Variants in FAM221A observed in about 807,000 individuals in gnomAD.
The protein encoded by FAM221A is family with sequence similarity 221 member A, also known as protein FAM221A.
FAM221A carries 43 observed loss-of-function variants against 37.6 expected under a neutral mutation model. The observed-to-expected ratio is 1.15, with a 90% CI of 0.90 to 1.48. FAM221A has a LOEUF of 1.48. Ranked by LOEUF, FAM221A falls within the 40% of genes most tolerant of loss-of-function variation. The probability of loss-of-function intolerance (pLI) is 0.00; values close to 1 mark genes in which losing one functional copy is unlikely to be tolerated. For missense variants in FAM221A, 361 were observed against 361.5 expected (o/e 1.00, Z 0.01); for synonymous variants, 135 against 132.9 (o/e 1.02, Z -0.11).
chr7:23,683,777 G>A (rs558150214), intron 1 of FAM221A, among the ~76,000 whole-genome samples: 2 of 152,284 alleles, frequency 1.3e-5, no homozygotes, highest in Admixed American at 1.3e-4. Context: ...TAGTTGGGCT[G>A]CCTATTCTCG....
intron 1 of FAM221A, among the ~76,000 whole-genome samples, chr7:23,680,486 A>T (rs967522477): frequency 2.6e-5 from 4 of 151,926 alleles, no homozygotes; most frequent in Admixed American, 1.3e-4. Flanking sequence ...TGCAGTGATG[A>T]GTCTTCCAAT....
At chr7:23,695,482 C>G (rs557928435) in intron 4 of FAM221A, among the ~76,000 whole-genome samples, 2 of 152,048 alleles carry the variant, frequency 1.3e-5, no homozygotes, top group Non-Finnish European at 2.9e-5. Context: ...AAGTGATTCT[C>G]CTGCCTCAGC....
rs201781387 is a variant in FAM221A at position 23,701,234 on chromosome 7, TTC to T, written c.828+370_828+371del. Reference sequence around the variant, plus strand: ...AAATAAAGATTGAATATATTTTGAATTCTCTTTTTTTTTTTTTTTTTTTGAGA... The same window carrying T: ...AAATAAAGATTGAATATATTTTGAATTCTTTTTTTTTTTTTTTTTTTGAGA... On this transcript the variant is annotated intron_variant, in intron 6 of 6. Coordinates refer to ENST00000344962, the MANE Select transcript of FAM221A (RefSeq NM_199136.5). Among the ~76,000 whole-genome samples, 1,140 of 124,106 alleles carry T rather than the reference TTC, an allele frequency of 9.2e-3. 81 individuals are homozygous for T. Among genetic ancestry groups the T allele is most frequent in the South Asian group, 0.024 (84 of 3,434 alleles). 81.4% of individuals were successfully genotyped at this position (124,106 alleles called of 152,430 possible).
In FAM221A at chr7:23,682,846, C is replaced by T. The variant is rs116466984; in HGVS notation, c.66-1653C>T. On this transcript the variant is annotated intron_variant, in intron 1 of 6. Coordinates refer to ENST00000344962, the MANE Select transcript of FAM221A (RefSeq NM_199136.5). ...ACTTTTAAAAGATCTTTTAAAGATC[C>T]GTATTTATCTTAAGATCTTAATACC... Among the ~76,000 whole-genome samples the T allele has an allele frequency of 4.6e-3, 693 of 152,116 alleles. 6 individuals carry two copies. Among genetic ancestry groups the T allele is most frequent in the African/African-American group, 0.016 (644 of 41,498 alleles).
chr7:23,698,686 A>G (rs1276358428), intron 5 of FAM221A, among the ~76,000 whole-genome samples: 1 of 152,238 alleles, frequency 6.6e-6, no homozygotes, highest in African/African-American at 2.4e-5. Context: ...TTATAAATTA[A>G]GAGCAAGTAG....
intron 5 of FAM221A, among the ~76,000 whole-genome samples, 157 bp from the exon 6 acceptor site, chr7:23,700,627 TAA>T (rs1785360835): frequency 1.3e-5 from 2 of 152,368 alleles, no homozygotes; most frequent in South Asian, 4.1e-4. Context: ...CCATTCTCTC[TAA>T]AAGAGAATGA....
chr7:23,702,054 GGT>G (rs1491242693), intron 6 of FAM221A, 40 bp from the exon 7 acceptor site: 1 of 1,361,418 alleles, frequency 7.3e-7, no homozygotes, highest in Admixed American at 2.2e-5. Context: ...TCTTTAGAAT[GGT>G]TTACAAGTTA....
intron 2 of FAM221A, 44 bp downstream of exon 2, chr7:23,684,716 A>G: frequency 6.6e-7 from 1 of 1,514,192 alleles, no homozygotes; most frequent in Non-Finnish European, 9.0e-7. Flanking sequence ...TAGAAAATAA[A>G]AAGCTAAGCA....
intron 1 of FAM221A, among the ~76,000 whole-genome samples, chr7:23,684,159 G>A (rs960535913): frequency 2.0e-5 from 3 of 152,128 alleles, no homozygotes; most frequent in East Asian, 1.9e-4. Context: ...CAGACCCCCA[G>A]TAAAACTTGT....
intron 1 of FAM221A, among the ~76,000 whole-genome samples, chr7:23,682,715 G>T (rs930400805): frequency 1.3e-4 from 20 of 152,138 alleles, no homozygotes; most frequent in African/African-American, 4.8e-4. Flanking sequence ...ATGAGCCACT[G>T]TGCTGTGAGT....
At chr7:23,681,067 G>A (rs759836586) in intron 1 of FAM221A, among the ~76,000 whole-genome samples, 3 of 152,214 alleles carry the variant, frequency 2.0e-5, no homozygotes, top group East Asian at 3.9e-4. Context: ...CGGCCCCCCA[G>A]CTGACTGTTC....
intron 2 of FAM221A, chr7:23,686,348 C>G (rs769657806): frequency 1.7e-5 from 7 of 412,346 alleles, no homozygotes; most frequent in South Asian, 1.2e-4. Context: ...ATTGCAGCCT[C>G]GACCTCCTGG....
chr7:23,700,656 A>G, intron 5 of FAM221A, 130 bp from the exon 6 acceptor site: 476 of 462,378 alleles, frequency 1.0e-3, no homozygotes, highest in East Asian at 2.2e-3. Context: ...AGGACCAATT[A>G]TTCATTTAGG....
At position 23,702,117 on chromosome 7, in the gene FAM221A, A is replaced by C; in HGVS notation, c.850A>C (p.Lys284Gln). The change falls in exon 7 of 7, where the codon AAG becomes CAG. Residue 284 changes from lysine to glutamine, a missense_variant. By Grantham distance (53) the Lys-to-Gln change is moderately conservative. Transcript: ENST00000344962. ...QERMKMEKAA[K>Q]WKGKAPLPSA... ...ACAGATGAAAATGGAAAAGGCTGCTAAGTGGAAAGGAAAAGCTCCATTGCC... is the reference window on the plus strand; with the variant it reads ...ACAGATGAAAATGGAAAAGGCTGCTCAGTGGAAAGGAAAAGCTCCATTGCC... 1 of 1,601,306 alleles carries C rather than the reference A, an allele frequency of 6.2e-7. No individual in the cohort carries two copies. Among genetic ancestry groups the C allele is most frequent in the African/African-American group, 1.3e-5 (1 of 74,656 alleles).
In FAM221A at chr7:23,684,622, G is replaced by T; in HGVS notation, c.189G>T (p.Gly63=). Reference sequence around the variant, plus strand: ...TTGTGAGCTGGCGGTCACCAACAGGGATGGATTGTAAACTTGTGGGCCCAG... The same window carrying T: ...TTGTGAGCTGGCGGTCACCAACAGGTATGGATTGTAAACTTGTGGGCCCAG... The part of the protein sequence containing the change: ...RLFVSWRSPT[G]MDCKLVGPET... The change falls in exon 2 of 7, where the codon GGG becomes GGT. Residue 63 remains glycine (G), a synonymous_variant. Coordinates refer to ENST00000344962, the MANE Select transcript of FAM221A (RefSeq NM_199136.5). The T allele has an allele frequency of 6.2e-7, 1 of 1,614,086 alleles. No individual in the cohort carries two copies. Among genetic ancestry groups the T allele is most frequent in the Non-Finnish European group, 8.5e-7 (1 of 1,179,988 alleles).
At chr7:23,682,525 T>C (rs12700458) in intron 1 of FAM221A, among the ~76,000 whole-genome samples, 129,707 of 150,406 alleles carry the variant, frequency 0.86, 55,990 homozygotes, top group South Asian at 0.93. Context: ...TCTGCCTCCG[T>C]GGAAGTGATT....
chr7:23,703,237 T>G (rs764516981), downstream of FAM221A: 2 of 152,244 alleles, frequency 1.3e-5, no homozygotes, highest in Middle Eastern at 3.1e-3. Context: ...AATAAACTAC[T>G]TGTATAACAA....
intron 2 of FAM221A, chr7:23,686,802 T>TGAGACG (rs1784402112): frequency 6.6e-6 from 1 of 152,204 alleles, no homozygotes; most frequent in Non-Finnish European, 1.5e-5. Context: ...CTTTTTTTTT[T>TGAGACG]GAGACGGAGT....
intron 2 of FAM221A, 33 bp from the exon 3 acceptor site, chr7:23,689,236 T>G (rs1196525941): frequency 1.4e-6 from 2 of 1,412,180 alleles, no homozygotes; most frequent in Admixed American, 1.8e-5. Flanking sequence ...ACCTGTATTG[T>G]GTTTATATTT....
Sources: allele counts gnomAD v4.1 joint callset (sites outside exome capture counted in the v4.1 genomes callset), GRCh38; gene constraint gnomAD v4.1.1; transcripts MANE v1.5; gene names NCBI Gene and HGNC (gene_info 2026-07-23, HGNC 2026-07-21).